The following ST8SIA1 variants were observed in gnomAD, a reference collection of about 807,000 sequenced individuals.
ST8SIA1 encodes the protein ST8 alpha-N-acetyl-neuraminide alpha-2,8-sialyltransferase 1, also known as alpha-N-acetylneuraminide alpha-2,8-sialyltransferase.
A neutral mutation model predicts 35.9 loss-of-function variants in ST8SIA1; 16 were observed. The ratio of observed to expected loss-of-function variants is 0.45; its 90% CI spans 0.30 to 0.68. The LOEUF is 0.68. ST8SIA1 is among the 30% of genes least tolerant of loss of function. The pLI is 0.09. For missense variants in ST8SIA1, 383 were observed against 453.6 expected, an observed-to-expected ratio of 0.84 and a Z score of 1.41; for synonymous variants, 170 against 169.6, an observed-to-expected ratio of 1.00 and a Z score of -0.02.
At chr12:22,329,622 T>C (rs1365394522) in intron 1 of ST8SIA1, among the ~76,000 whole-genome samples, 1 of 152,156 alleles carries the variant, frequency 6.6e-6, no homozygotes, top group Non-Finnish European at 1.5e-5. Flanking sequence ...GCTGCACCTA[T>C]GCTCCTCCCC....
chr12:22,273,222 C>T (rs1456115813), intron 2 of ST8SIA1, among the ~76,000 whole-genome samples: 2 of 152,180 alleles, frequency 1.3e-5, no homozygotes, highest in African/African-American at 2.4e-5. Context: ...GATTGAGACC[C>T]CACCTGCCCG....
intron 4 of ST8SIA1, among the ~76,000 whole-genome samples, chr12:22,212,116 A>G (rs1865182147): frequency 6.6e-6 from 1 of 152,206 alleles, no homozygotes; most frequent in Non-Finnish European, 1.5e-5. Flanking sequence ...TATAAAACAC[A>G]TTTATAAAAA....
chr12:22,299,752 T>A (rs1866295677), intron 1 of ST8SIA1, among the ~76,000 whole-genome samples: 2 of 152,110 alleles, frequency 1.3e-5, no homozygotes, highest in Admixed American at 1.3e-4. Flanking sequence ...TAACCCAAAG[T>A]TCAACTTTTA....
chr12:22,198,405 T>C lies in ST8SIA1; in HGVS notation c.*3147A>G, dbSNP rs1287961286. 6.6e-6 allele frequency: 1 copy of C among 152,008 alleles called. No homozygotes were observed. Among genetic ancestry groups the C allele is most frequent in the South Asian group, 2.1e-4 (1 of 4,808 alleles). The allele number at this position is 152,008 out of a possible 1,614,324, so 9.4% of individuals were successfully genotyped here. A position where few individuals can be genotyped will look rare whatever the true frequency, so the allele number is the denominator to read the frequency against. ...ATAAACAAAGAAAGATAATGGGAGCTTAGAATTGAAGATCTTAATAATAGA... is the reference window on the plus strand; with the variant it reads ...ATAAACAAAGAAAGATAATGGGAGCCTAGAATTGAAGATCTTAATAATAGA... On this transcript the variant is annotated 3_prime_UTR_variant, in exon 5 of 5. Coordinates refer to ENST00000396037, the MANE Select transcript of ST8SIA1 (RefSeq NM_003034.4).
intron 4 of ST8SIA1, among the ~76,000 whole-genome samples, chr12:22,225,517 A>G (rs563746713): frequency 9.2e-5 from 14 of 152,290 alleles, no homozygotes; most frequent in Admixed American, 5.2e-4. Context: ...CTTGATTTGC[A>G]AACATAAGTG....
At chr12:22,332,833 A>G (rs1866786327) in intron 1 of ST8SIA1, among the ~76,000 whole-genome samples, 1 of 152,104 alleles carries the variant, frequency 6.6e-6, no homozygotes, top group African/African-American at 2.4e-5. Flanking sequence ...GCAGTGAAAA[A>G]TGTTTACATT....
intron 4 of ST8SIA1, among the ~76,000 whole-genome samples, chr12:22,208,253 A>G (rs769268515): frequency 6.6e-6 from 1 of 152,076 alleles, no homozygotes; most frequent in Non-Finnish European, 1.5e-5. Context: ...ATACACACAC[A>G]CTGCATTAGA....
chr12:22,232,263 A>G (rs1865429295), intron 4 of ST8SIA1, among the ~76,000 whole-genome samples: 1 of 152,230 alleles, frequency 6.6e-6, no homozygotes, highest in African/African-American at 2.4e-5. Flanking sequence ...TTGGGAGATG[A>G]CTGCAATTAT....
At chr12:22,316,422 GTTT>G (rs1417237646) in intron 1 of ST8SIA1, among the ~76,000 whole-genome samples, 1 of 152,028 alleles carries the variant, frequency 6.6e-6, no homozygotes, top group Non-Finnish European at 1.5e-5. Flanking sequence ...TTTTGTTTTT[GTTT>G]TTGTTTCAGT....
At chr12:22,284,624 A>G (rs1431502354) in intron 2 of ST8SIA1, among the ~76,000 whole-genome samples, 3 of 152,226 alleles carry the variant, frequency 2.0e-5, no homozygotes, top group Middle Eastern at 3.4e-3. Context: ...AAAAAAATCT[A>G]CTCATTGAAT....
At chr12:22,202,121 C>T in intron 4 of ST8SIA1, 83 bp from the exon 5 acceptor site, 1 of 1,236,328 alleles carries the variant, frequency 8.1e-7, no homozygotes, top group South Asian at 1.5e-5. Flanking sequence ...TTCTGGTGGC[C>T]CTGATACCTC....
chr12:22,194,227 C>G lies in ST8SIA1; in HGVS notation c.*7325G>C, dbSNP rs1041349436. 8 of 152,148 alleles carry G rather than the reference C, an allele frequency of 5.3e-5. No individual in the cohort carries two copies. The highest frequency in any genetic ancestry group is 8.8e-5 in the Non-Finnish European group (6 of 68,036). The allele number at this position is 152,148 out of a possible 1,614,324, so 9.4% of individuals were successfully genotyped here. A position where few individuals can be genotyped will look rare whatever the true frequency, so the allele number is the denominator to read the frequency against. ...TATCAACACCCAACGGTGCTCAAGA[C>G]TGAATGATAAACAGTGACAGATTGA... On this transcript the variant is annotated 3_prime_UTR_variant, in exon 5 of 5. Transcript: ENST00000396037.
At chr12:22,281,877 A>G (rs1392578913) in intron 2 of ST8SIA1, among the ~76,000 whole-genome samples, 1 of 151,794 alleles carries the variant, frequency 6.6e-6, no homozygotes, top group African/African-American at 2.4e-5. Flanking sequence ...GTGTGGTAGC[A>G]CACGCCTATA....
intron 4 of ST8SIA1, among the ~76,000 whole-genome samples, chr12:22,232,016 C>A (rs968210175): frequency 6.6e-5 from 10 of 152,152 alleles, no homozygotes; most frequent in African/African-American, 2.4e-4. Context: ...ATAGGAACCA[C>A]AAGGAGACAG....
intron 2 of ST8SIA1, among the ~76,000 whole-genome samples, chr12:22,262,024 C>A (rs1300620987): frequency 2.6e-5 from 4 of 152,100 alleles, no homozygotes; most frequent in South Asian, 2.1e-4. Context: ...GGAAAAATTT[C>A]TCTGAGGAAT....
intron 2 of ST8SIA1, among the ~76,000 whole-genome samples, chr12:22,286,807 T>C (rs1866105952): frequency 6.6e-6 from 1 of 152,124 alleles, no homozygotes; most frequent in Admixed American, 6.6e-5. Context: ...TAAGAAAACA[T>C]TCCAGTATCA....
At chr12:22,315,172 C>T (rs1866501406) in intron 1 of ST8SIA1, among the ~76,000 whole-genome samples, 1 of 151,954 alleles carries the variant, frequency 6.6e-6, no homozygotes, top group South Asian at 2.1e-4. Context: ...TGAAGCTGTC[C>T]TCATAGTAGA....
At chr12:22,274,480 G>C (rs1280690928) in intron 2 of ST8SIA1, among the ~76,000 whole-genome samples, 1 of 152,194 alleles carries the variant, frequency 6.6e-6, no homozygotes, top group Non-Finnish European at 1.5e-5. Flanking sequence ...GTATCAAAAT[G>C]TCCATCAGCT....
chr12:22,221,981 A>G (rs1015022618), intron 4 of ST8SIA1, among the ~76,000 whole-genome samples: 23 of 152,204 alleles, frequency 1.5e-4, no homozygotes, highest in African/African-American at 5.1e-4. Flanking sequence ...ATGGAAAAGA[A>G]AGTTAAAAAA....
Sources: allele counts gnomAD v4.1 joint callset (sites outside exome capture counted in the v4.1 genomes callset), GRCh38; gene constraint gnomAD v4.1.1; transcripts MANE v1.5; gene names NCBI Gene and HGNC (gene_info 2026-07-23, HGNC 2026-07-21).